SHQ1: variants seen among roughly 807,000 people sequenced by gnomAD.
The protein encoded by SHQ1 is protein SHQ1 homolog.
Under a neutral mutation model 53.8 loss-of-function variants are expected in SHQ1, and 49 were observed. The observed-to-expected ratio is 0.91, with a 90% CI of 0.72 to 1.16. The LOEUF is 1.16. Ranked by LOEUF, SHQ1 falls within the 50% of genes most tolerant of loss-of-function variation. SHQ1 has a pLI of 0.00. For synonymous variants in SHQ1, 243 were observed against 251.0 expected, an observed-to-expected ratio of 0.97 and a Z score of 0.30; for missense variants, 738 against 683.1, an observed-to-expected ratio of 1.08 and a Z score of -0.90.
At position 72,751,539 on chromosome 3, in the gene SHQ1, T is replaced by TAC. The variant is rs60876437; in HGVS notation, c.1182-705_1182-704dup. On this transcript the variant is annotated intron_variant, in intron 10 of 10. Coordinates refer to ENST00000325599, the MANE Select transcript of SHQ1 (RefSeq NM_018130.3). ...ATATATATATATATATACATATACA[T>TAC]ACACTAATAAAGCCTAACTCTCCTA... Among the ~76,000 whole-genome samples the TAC allele has an allele frequency of 5.2e-4, 63 of 120,186 alleles. 1 individual carries two copies. Among genetic ancestry groups the TAC allele is most frequent in the African/African-American group, 2.2e-3 (59 of 27,284 alleles). 78.8% of individuals were successfully genotyped at this position (120,186 alleles called of 152,430 possible).
At chr3:72,779,936 C>T (rs1043954389) in intron 10 of SHQ1, among the ~76,000 whole-genome samples, 4 of 152,138 alleles carry the variant, frequency 2.6e-5, no homozygotes, top group South Asian at 2.1e-4. Flanking sequence ...TTGGATCTTT[C>T]TGATAAAAAG....
At chr3:72,822,729 T>G (rs138868798) in intron 6 of SHQ1, among the ~76,000 whole-genome samples, 2 of 152,358 alleles carry the variant, frequency 1.3e-5, no homozygotes, top group East Asian at 3.9e-4. Context: ...TAACTATCTA[T>G]ATTCTGTTAG....
chr3:72,827,367 G>C (rs1190101261), intron 5 of SHQ1, among the ~76,000 whole-genome samples: 1 of 152,072 alleles, frequency 6.6e-6, no homozygotes, highest in African/African-American at 2.4e-5. Context: ...TGCCCAGGAA[G>C]AACTGGCACA....
intron 9 of SHQ1, 28 bp from the exon 10 acceptor site, chr3:72,793,064 T>C (rs1306976036): frequency 6.4e-7 from 1 of 1,573,276 alleles, no homozygotes; most frequent in East Asian, 2.2e-5. Flanking sequence ...AACATAAAAT[T>C]ATCCTTAAGA....
chr3:72,847,303 G>C (rs1708368879), intron 1 of SHQ1, among the ~76,000 whole-genome samples: 1 of 152,192 alleles, frequency 6.6e-6, no homozygotes, highest in South Asian at 2.1e-4. Context: ...AAAAGTACTT[G>C]GGTGGGAAAA....
Position 72,813,926 on chromosome 3 carries a change from T to A in SHQ1, c.937-1132A>T, listed in dbSNP as rs145180535. On this transcript the variant is annotated intron_variant, in intron 8 of 10. Coordinates refer to ENST00000325599, the MANE Select transcript of SHQ1 (RefSeq NM_018130.3). ...TCAAACTGATTTCTAGGAAAAAAGG[T>A]GTTGTATCTTGAACGGTATCAAACT... Among the ~76,000 whole-genome samples, 570 of 150,130 alleles carry A rather than the reference T, an allele frequency of 3.8e-3. 4 individuals carry two copies. Among genetic ancestry groups the A allele is most frequent in the African/African-American group, 0.012 (492 of 40,884 alleles).
chr3:72,848,290 G>T lies in SHQ1; in HGVS notation c.51C>A (p.Ile17=), dbSNP rs1277311418. 2.5e-6 allele frequency: 4 copies of T among 1,614,072 alleles called. No individual in the cohort carries two copies. Among genetic ancestry groups the T allele is most frequent in the Non-Finnish European group, 3.4e-6 (4 of 1,180,042 alleles). The part of the protein sequence containing the change: ...DLSQDPDFLT[I]AIRVPYARVS... ...CCCGGGCGTAGGGCACGCGGATGGC[G>T]ATAGTCAGGAAGTCCGGATCCTGGC... Residue 17 remains isoleucine (I), a synonymous_variant, in exon 1 of 11, where the codon ATC becomes ATA. Transcript: ENST00000325599.
At chr3:72,834,541 AGTC>A (rs1707933319) in intron 4 of SHQ1, among the ~76,000 whole-genome samples, 1 of 152,202 alleles carries the variant, frequency 6.6e-6, no homozygotes, top group African/African-American at 2.4e-5. Flanking sequence ...AAAAAAAAGA[AGTC>A]GTCGTCACTG....
chr3:72,775,904 C>T (rs1187984663), intron 10 of SHQ1, among the ~76,000 whole-genome samples: 1 of 152,140 alleles, frequency 6.6e-6, no homozygotes, highest in African/African-American at 2.4e-5. Flanking sequence ...TAAAGCCTAT[C>T]TACAAAAGCA....
chr3:72,792,677 C>T (rs576215186), intron 10 of SHQ1, among the ~76,000 whole-genome samples: 3 of 148,758 alleles, frequency 2.0e-5, no homozygotes, highest in South Asian at 4.3e-4. Flanking sequence ...CCCAGCTACT[C>T]GGGAGGCAGA....
rs539130593 is a variant in SHQ1, at chr3:72,774,544, T to C, written c.1181+18372A>G. ...AAAAACTTTTCTATAAAAATCCATA[T>C]GCTTGGAAAGGAGAAAAATATTTCC... On this transcript the variant is annotated intron_variant, in intron 10 of 10. Coordinates refer to ENST00000325599, the MANE Select transcript of SHQ1 (RefSeq NM_018130.3). Among the ~76,000 whole-genome samples, 15 of 152,316 alleles carry C rather than the reference T, an allele frequency of 9.8e-5. No homozygotes were observed. In the South Asian group the frequency reaches 2.9e-3, roughly 29 times the overall value.
At chr3:72,781,162 C>T (rs955004538) in intron 10 of SHQ1, among the ~76,000 whole-genome samples, 7 of 151,296 alleles carry the variant, frequency 4.6e-5, no homozygotes, top group Admixed American at 1.3e-4. Flanking sequence ...CAGGTTCCAG[C>T]GATTCTCGTG....
chr3:72,738,426 A>G, the SHQ1 span, among the ~76,000 whole-genome samples: 1 of 152,056 alleles, frequency 6.6e-6, no homozygotes, highest in Non-Finnish European at 1.5e-5. Context: ...TGAAGCTTCA[A>G]TGTGCCCCGA....
At chr3:72,745,862 A>G (rs1705250124), downstream of SHQ1, among the ~76,000 whole-genome samples, 2 of 146,194 alleles carry the variant, frequency 1.4e-5, no homozygotes, top group African/African-American at 5.1e-5. Context: ...TTTTCCTTTG[A>G]GACAGAGCCT....
downstream of SHQ1, among the ~76,000 whole-genome samples, chr3:72,744,931 G>GT (rs1330714227): frequency 6.8e-6 from 1 of 146,536 alleles, no homozygotes; most frequent in Non-Finnish European, 1.5e-5. Flanking sequence ...ATTGGGGGGG[G>GT]GGGGTGGTTT....
At chr3:72,779,396 C>T (rs985065964) in intron 10 of SHQ1, among the ~76,000 whole-genome samples, 4 of 152,196 alleles carry the variant, frequency 2.6e-5, no homozygotes, top group African/African-American at 7.2e-5. Flanking sequence ...TCCTCCTTCT[C>T]CTCCTAATCC....
chr3:72,755,878 TCTTACAAACATCAG>T (rs1465549582), intron 10 of SHQ1, among the ~76,000 whole-genome samples: 1 of 152,202 alleles, frequency 6.6e-6, no homozygotes, highest in African/African-American at 2.4e-5. Context: ...AGATAACCAC[TCTTACAAACATCAG>T]GTACTATTTA....
Position 72,791,581 on chromosome 3 carries a change from C to T in SHQ1, c.1181+1335G>A, listed in dbSNP as rs532584146. 4.6e-5 allele frequency among the ~76,000 whole-genome samples: 7 copies of T among 152,268 alleles called. No individual in the cohort carries two copies. The South Asian group carries it at 1.5e-3, about 32-fold the overall frequency. ...ACAGACATTAAAATCCACACTAAAG[C>T]ATTTATTTATCAATCATGGCGGTAG... is the stretch of plus-strand genomic sequence containing the variant. On this transcript the variant is annotated intron_variant, in intron 10 of 10. Transcript: ENST00000325599.
intron 10 of SHQ1, among the ~76,000 whole-genome samples, chr3:72,782,794 T>C (rs139217184): frequency 1.7e-3 from 260 of 152,320 alleles, no homozygotes; most frequent in African/African-American, 6.0e-3. Context: ...TTGACAAAGC[T>C]CTCCTTAAAC....
Sources: allele counts gnomAD v4.1 joint callset (sites outside exome capture counted in the v4.1 genomes callset), GRCh38; gene constraint gnomAD v4.1.1; transcripts MANE v1.5; gene names NCBI Gene and HGNC (gene_info 2026-07-23, HGNC 2026-07-21).